The following COL16A1 variants were observed in gnomAD, a reference collection of about 807,000 sequenced individuals.
COL16A1 encodes the protein collagen alpha-1(XVI) chain.
In COL16A1, 189 loss-of-function variants were observed where a neutral mutation model predicts 266.3. The ratio of observed to expected loss-of-function variants is 0.71; its 90% CI spans 0.63 to 0.80. The LOEUF (loss-of-function observed/expected upper bound fraction) is 0.80, where lower values mean the gene tolerates loss of function less well. Ranked by LOEUF, COL16A1 falls within the 30% of genes least tolerant of loss-of-function variation. The pLI is 0.00. For synonymous variants in COL16A1, 740 were observed against 782.3 expected (o/e 0.95, Z 0.90); for missense variants, 1,928 against 2,122.4 (o/e 0.91, Z 1.80).
intron 69 of COL16A1, 70 bp from the exon 70 acceptor site, chr1:31,653,746 AACACACACAC>A (rs3841648): frequency 1.4e-5 from 21 of 1,456,578 alleles, no homozygotes; most frequent in Admixed American, 4.0e-5. Flanking sequence ...GATTACTTGA[AACACACACAC>A]ACACACACAC....
rs1440581714 is a variant in COL16A1 at position 31,679,656 on chromosome 1, G to T, written c.2748C>A (p.Gly916=). 4.3e-6 allele frequency: 7 copies of T among 1,614,204 alleles called. No homozygotes were observed. The highest frequency in any genetic ancestry group is 2.7e-5 in the African/African-American group (2 of 75,070). ...QGPPGIPGPP[G]PPGVPGLQGV... is the part of the protein sequence containing the mutation. ...CCTGCAGCCCAGGTACTCCAGGGGGGCCTGGTGGTCCGGGAATACCTGGTG... is the reference window on the plus strand; with the variant it reads ...CCTGCAGCCCAGGTACTCCAGGGGGTCCTGGTGGTCCGGGAATACCTGGTG... The change falls in exon 42 of 71, where the codon GGC becomes GGA. Residue 916 remains glycine, a synonymous_variant. Coordinates refer to ENST00000373672, the MANE Select transcript of COL16A1 (RefSeq NM_001856.4).
intron 8 of COL16A1, among the ~76,000 whole-genome samples, chr1:31,696,465 C>T (rs1005451759): frequency 1.3e-5 from 2 of 152,200 alleles, no homozygotes; most frequent in African/African-American, 4.8e-5. Flanking sequence ...AAAGGAGGAA[C>T]CAGGCTTCCA....
chr1:31,686,180 C>T, intron 27 of COL16A1, 45 bp from the exon 28 acceptor site: 1 of 1,614,148 alleles, frequency 6.2e-7, no homozygotes, highest in Middle Eastern at 1.6e-4. Context: ...TCTGCCAGGG[C>T]CATGCCTATC....
intron 2 of COL16A1, chr1:31,701,591 T>C: frequency 1.0e-6 from 1 of 984,576 alleles, no homozygotes; most frequent in African/African-American, 1.7e-5. Flanking sequence ...TCATCCAGAG[T>C]CTGGGCCTCG....
At chr1:31,703,527 G>A (rs1055967677) in intron 1 of COL16A1, among the ~76,000 whole-genome samples, 1 of 152,154 alleles carries the variant, frequency 6.6e-6, no homozygotes, top group African/African-American at 2.4e-5. Context: ...GTGGAGGCGT[G>A]AGGATGGATG....
rs928032586 is a variant in COL16A1 at position 31,665,882 on chromosome 1, C to T, written c.3456G>A (p.Gln1152=). The stretch of plus-strand genomic sequence containing the variant: ...CAGCCAGGTCCCAGTCGTCACTCAC[C>T]TGGTCGCCCTTCTCACCGGAGTTAC... ...PQGNSGEKGD[Q]GFQGQPGFPG... The change falls in exon 54 of 71, where the codon CAG becomes CAA. Residue 1152 remains glutamine, a splice_region_variant and synonymous_variant. Transcript: ENST00000373672. The T allele has an allele frequency of 1.2e-6, 2 of 1,614,064 alleles. No homozygotes were observed. The highest frequency in any genetic ancestry group is 1.3e-5 in the African/African-American group (1 of 74,926).
rs752110119 is a variant in COL16A1, at chr1:31,685,754, G to A, written c.1901C>T (p.Pro634Leu). The A allele has an allele frequency of 5.0e-5, 81 of 1,613,770 alleles. No homozygotes were observed. Among genetic ancestry groups the A allele is most frequent in the Middle Eastern group, 1.6e-4 (1 of 6,084 alleles). Reference sequence around the variant, plus strand: ...CTGAAGGTTGGACAGGGCTGGGCACGGCTCACAGGGCTCCCCCTGCCAAGC... The same window carrying A: ...CTGAAGGTTGGACAGGGCTGGGCACAGCTCACAGGGCTCCCCCTGCCAAGC... ...IKGAKGEPCE[P>L]CPALSNLQDG... Residue 634 changes from proline to leucine, a missense_variant, in exon 29 of 71, where the codon CCG (proline) becomes CTG (leucine). Physicochemically the swap from Pro to Leu is moderately conservative, Grantham distance 98. This residue lies in a region of COL16A1 where 1,552 missense variants were observed against 1,637.2 expected (regional missense o/e 0.95). Transcript: ENST00000373672. This position sits in a 1 kb window ranked among gnomAD's most constrained non-coding sequence, Gnocchi z 4.0.
At chr1:31,691,317 C>A in intron 19 of COL16A1, 91 bp from the exon 20 acceptor site, 1 of 1,591,198 alleles carries the variant, frequency 6.3e-7, no homozygotes, top group South Asian at 1.2e-5. Flanking sequence ...CAGCCAGGAT[C>A]CCTGGGACAG....
At chr1:31,655,992 T>G (rs1641109613) in intron 66 of COL16A1, 2 of 307,866 alleles carry the variant, frequency 6.5e-6, no homozygotes, top group South Asian at 6.5e-5. Context: ...CTCCTCCCTC[T>G]CATCCCACAG....
At position 31,688,653 on chromosome 1, in the gene COL16A1, G is replaced by A. The variant is rs1031377881; in HGVS notation, c.1768-151C>T. ...CAGTTTCTTCAGTTAGACAACTGAA[G>A]CTAGAGGTGCTAAGAGGAAGTTCCA... On this transcript the variant is annotated intron_variant, in intron 25 of 70. Transcript: ENST00000373672. This position sits in a 1 kb window ranked among gnomAD's most constrained non-coding sequence, Gnocchi z 4.9. 1 of 1,196,872 alleles carries A rather than the reference G, an allele frequency of 8.4e-7. No individual in the cohort carries two copies. The highest frequency in any genetic ancestry group is 1.5e-5 in the African/African-American group (1 of 66,536). The allele number at this position is 1,196,872 out of a possible 1,614,324, so 74.1% of individuals were successfully genotyped here.
At position 31,653,987 on chromosome 1, in the gene COL16A1, G is replaced by C. The variant is rs777515201; in HGVS notation, c.4414C>G (p.Pro1472Ala). 6 of 1,614,070 alleles carry C rather than the reference G, an allele frequency of 3.7e-6. No individual in the cohort carries two copies. Among genetic ancestry groups the C allele is most frequent in the Admixed American group, 1.7e-5 (1 of 60,006 alleles). The part of the protein sequence containing the change: ...MQFPMEMAAA[P>A]GRPGPPGKDG... ...TTCCCTGGAGGCCCTGGTCGTCCCGGAGCTGCCGCCATCTCCATGGGGAAC... is the reference window on the plus strand; with the variant it reads ...TTCCCTGGAGGCCCTGGTCGTCCCGCAGCTGCCGCCATCTCCATGGGGAAC... Residue 1472 changes from proline to alanine, a missense_variant, in exon 69 of 71, where the codon CCG becomes GCG. Physicochemically the swap from Pro to Ala is conservative, Grantham distance 27. Coordinates refer to ENST00000373672, the MANE Select transcript of COL16A1 (RefSeq NM_001856.4).
chr1:31,676,422 G>A (rs1180981643), intron 42 of COL16A1, among the ~76,000 whole-genome samples: 2 of 151,704 alleles, frequency 1.3e-5, no homozygotes, highest in African/African-American at 4.8e-5. Flanking sequence ...AAGGATCACT[G>A]GCTTCTAACC....
rs559349156 is a variant in COL16A1, at chr1:31,655,658, G to A, written c.4102-156C>T. On this transcript the variant is annotated intron_variant, in intron 66 of 70. Coordinates refer to ENST00000373672, the MANE Select transcript of COL16A1 (RefSeq NM_001856.4). ...CACTCCACCTCACTGCCCCAGAGTG[G>A]TCCTTCTAGAAGACAGTTCTCCTGG... The A allele has an allele frequency of 1.2e-5, 16 of 1,311,664 alleles. No individual in the cohort carries two copies. The African/African-American group carries it at 1.9e-4, about 16-fold the overall frequency. 81.3% of individuals were successfully genotyped at this position (1,311,664 alleles called of 1,614,324 possible).
chr1:31,678,844 A>G (rs554188685), intron 42 of COL16A1, among the ~76,000 whole-genome samples: 1 of 152,188 alleles, frequency 6.6e-6, no homozygotes, highest in Non-Finnish European at 1.5e-5. Flanking sequence ...CCGGGATTCA[A>G]GTTCAGGCTG....
At chr1:31,662,017 C>T (rs781076804) in intron 58 of COL16A1, among the ~76,000 whole-genome samples, 3 of 152,234 alleles carry the variant, frequency 2.0e-5, no homozygotes, top group Non-Finnish European at 2.9e-5. Context: ...TCCATGTCCA[C>T]ACCCTCATTC....
intron 9 of COL16A1, 120 bp downstream of exon 9, chr1:31,695,968 G>A (rs1644480461): frequency 2.8e-6 from 3 of 1,061,894 alleles, no homozygotes; most frequent in Non-Finnish European, 4.3e-6. Context: ...CCTAAGCTCT[G>A]TCCAGGAGGT....
At chr1:31,676,999 C>G (rs1643244662) in intron 42 of COL16A1, among the ~76,000 whole-genome samples, 1 of 152,252 alleles carries the variant, frequency 6.6e-6, no homozygotes, top group Non-Finnish European at 1.5e-5. Flanking sequence ...ATCCAGGCCC[C>G]CTGGCACCTC....
Position 31,657,509 on chromosome 1 carries a change from T to C in COL16A1, c.4021-441A>G. 1 of 177,628 alleles carries C rather than the reference T, an allele frequency of 5.6e-6. No homozygotes were observed. The highest frequency in any genetic ancestry group is 1.2e-5 in the Non-Finnish European group (1 of 83,234). 11.0% of individuals were successfully genotyped at this position (177,628 alleles called of 1,614,324 possible). A position where few individuals can be genotyped will look rare whatever the true frequency, so the allele number is the denominator to read the frequency against. Reference sequence around the variant, plus strand: ...GATTGCTAGGCAAGTGGGAGATTCATCCAGGGGCCATGGAGGCTCCTGAGC... The same window carrying C: ...GATTGCTAGGCAAGTGGGAGATTCACCCAGGGGCCATGGAGGCTCCTGAGC... On this transcript the variant is annotated intron_variant, in intron 64 of 70. Transcript: ENST00000373672. The surrounding 1 kb of genome is among the most constrained non-coding windows in gnomAD (Gnocchi z 6.4).
At position 31,661,701 on chromosome 1, in the gene COL16A1, C is replaced by T. The variant is rs1395562394; in HGVS notation, c.3685G>A (p.Asp1229Asn). The stretch of plus-strand genomic sequence containing the variant: ...CCAGGGGGGCCAGCAGGACCAGGGT[C>T]CCCCTAGGGAAAGAGACGAGGAGGA... Reference protein sequence around the residue: ...GKDGKPGLRGDPGPAGPPGLM... With the variant: ...GKDGKPGLRGNPGPAGPPGLM... The change falls in exon 59 of 71, where the codon GAC (aspartate) becomes AAC (asparagine). Residue 1229 changes from aspartate to asparagine, a missense_variant. Asp to Asn is a conservative substitution (Grantham distance 23, BLOSUM62 1). This residue lies in a region of COL16A1 where 1,552 missense variants were observed against 1,637.2 expected (regional missense o/e 0.95). Transcript: ENST00000373672. 1.9e-6 allele frequency: 3 copies of T among 1,597,358 alleles called. No homozygotes were observed. The highest frequency in any genetic ancestry group is 1.9e-5 in the Admixed American group (1 of 53,688).
Sources: gnomAD v4.1 joint callset for allele counts (sites outside exome capture counted in the v4.1 genomes callset) on GRCh38, gnomAD v4.1.1 for gene constraint, gnomAD v4.1.1 regional missense constraint, Gnocchi (gnomAD v3.1) non-coding constraint, MANE v1.5 for transcripts, NCBI Gene and HGNC (gene_info 2026-07-23, HGNC 2026-07-21) for gene names.